VRK2: variants seen among roughly 807,000 people sequenced by gnomAD.
The protein encoded by VRK2 is serine/threonine-protein kinase VRK2.
Under a neutral mutation model 57.6 loss-of-function variants are expected in VRK2, and 60 were observed. The observed-to-expected ratio is 1.04, with a 90% CI of 0.85 to 1.29. The LOEUF is 1.29. VRK2 is among the 50% of genes most tolerant of loss of function. The probability of loss-of-function intolerance (pLI) is 0.00; values close to 1 mark genes in which losing one functional copy is unlikely to be tolerated. For missense variants in VRK2, 705 were observed against 588.1 expected, an observed-to-expected ratio of 1.20 and a Z score of -2.06; for synonymous variants, 231 against 199.2, an observed-to-expected ratio of 1.16 and a Z score of -1.35.
chr2:58,141,098 C>T (rs1256543512), intron 11 of VRK2, among the ~76,000 whole-genome samples: 1 of 151,980 alleles, frequency 6.6e-6, no homozygotes, highest in Non-Finnish European at 1.5e-5. Flanking sequence ...GGATTTTGAT[C>T]TTGGTAATTA....
At chr2:58,103,472 G>T (rs1292057302) in intron 7 of VRK2, among the ~76,000 whole-genome samples, 1 of 151,478 alleles carries the variant, frequency 6.6e-6, no homozygotes, top group Non-Finnish European at 1.5e-5. Context: ...ACAACTATAT[G>T]CTTATAAACT....
chr2:58,155,765 C>G (rs1024287063), intron 12 of VRK2, among the ~76,000 whole-genome samples: 3 of 148,460 alleles, frequency 2.0e-5, no homozygotes, highest in African/African-American at 5.0e-5. Context: ...CCATCCCCCC[C>G]ACCCCGCCGC....
At chr2:58,089,478 T>C (rs1672075243) in intron 6 of VRK2, among the ~76,000 whole-genome samples, 153 bp from the exon 7 acceptor site, 1 of 152,216 alleles carries the variant, frequency 6.6e-6, no homozygotes, top group Admixed American at 6.5e-5. Flanking sequence ...CCAGAAGATG[T>C]GATATTTTAG....
At chr2:57,996,170 T>C (rs1229653059) in intron 1 of VRK2, among the ~76,000 whole-genome samples, 1 of 152,204 alleles carries the variant, frequency 6.6e-6, no homozygotes, top group Non-Finnish European at 1.5e-5. Flanking sequence ...GATTTTCATA[T>C]CCTTGGGGGA....
chr2:57,995,423 A>G (rs1170287957), intron 1 of VRK2, among the ~76,000 whole-genome samples: 2 of 152,220 alleles, frequency 1.3e-5, no homozygotes, highest in East Asian at 3.8e-4. Flanking sequence ...TCGAAAGCTC[A>G]AATTTTATTA....
chr2:58,057,828 A>G (rs974340534), intron 2 of VRK2, among the ~76,000 whole-genome samples: 2 of 152,124 alleles, frequency 1.3e-5, no homozygotes, highest in Admixed American at 6.6e-5. Flanking sequence ...ATAATTAGTC[A>G]TGAGGTTTAA....
intron 1 of VRK2, chr2:58,047,329 C>A: frequency 1.4e-6 from 1 of 722,356 alleles, no homozygotes; most frequent in Non-Finnish European, 1.7e-6. Context: ...CCCTGGGTAC[C>A]AGTTTGCTCG....
chr2:58,131,614 A>G (rs1347756099), intron 8 of VRK2, among the ~76,000 whole-genome samples, 194 bp from the exon 9 acceptor site: 1 of 152,184 alleles, frequency 6.6e-6, no homozygotes, highest in Non-Finnish European at 1.5e-5. Flanking sequence ...TACTTTCAAC[A>G]GCAACCAGTC....
At chr2:58,021,631 T>C (rs571287751) in intron 1 of VRK2, among the ~76,000 whole-genome samples, 77 of 152,330 alleles carry the variant, frequency 5.1e-4, no homozygotes, top group African/African-American at 1.5e-3. Context: ...ATTAATTCTA[T>C]CTTTTCTTTG....
At chr2:57,935,674 T>A (rs1558501751) in intron 1 of VRK2, among the ~76,000 whole-genome samples, 1 of 152,136 alleles carries the variant, frequency 6.6e-6, no homozygotes, top group Non-Finnish European at 1.5e-5. Flanking sequence ...TCTCTCCCAA[T>A]CTTTGAACTG....
At chr2:58,159,313 C>A in intron 12 of VRK2, 36 bp from the exon 13 acceptor site, 1 of 1,493,116 alleles carries the variant, frequency 6.7e-7, no homozygotes, top group South Asian at 1.3e-5. Flanking sequence ...TAACTCACGT[C>A]TAACAAACTA....
Position 58,131,876 on chromosome 2 carries a change from C to G in VRK2, c.745C>G (p.Pro249Ala), listed in dbSNP as rs756184673. The G allele has an allele frequency of 1.2e-6, 2 of 1,613,888 alleles. No homozygotes were observed. The highest frequency in any genetic ancestry group is 1.7e-6 in the Non-Finnish European group (2 of 1,179,998). Reference protein sequence around the residue: ...CMLRWLCGKLPWEQNLKDPVA... With the variant: ...CMLRWLCGKLAWEQNLKDPVA... ...GCTGCGGTGGTTGTGTGGGAAACTT[C>G]CCTGGGAACAGAACCTGAAGGACCC... Residue 249 changes from proline (P) to alanine (A), a missense_variant, in exon 9 of 13, where the codon CCC becomes GCC. Coordinates refer to ENST00000340157, the MANE Select transcript of VRK2 (RefSeq NM_006296.7).
At chr2:57,951,397 GAA>G (rs780970798) in intron 1 of VRK2, among the ~76,000 whole-genome samples, 56 of 152,316 alleles carry the variant, frequency 3.7e-4, no homozygotes, top group Non-Finnish European at 4.4e-4. Flanking sequence ...TACTCCTAGT[GAA>G]GATACTGTGA....
At chr2:58,140,982 G>T (rs1681243223) in intron 11 of VRK2, among the ~76,000 whole-genome samples, 1 of 151,950 alleles carries the variant, frequency 6.6e-6, no homozygotes, top group East Asian at 1.9e-4. Context: ...TTTCTCTCAT[G>T]ATACAATTAG....
At chr2:57,922,333 T>A (rs768878319) in intron 1 of VRK2, among the ~76,000 whole-genome samples, 1 of 151,870 alleles carries the variant, frequency 6.6e-6, no homozygotes, top group Non-Finnish European at 1.5e-5. Flanking sequence ...TTTAGTGGGG[T>A]TTAATTGAGA....
chr2:57,970,549 A>ATAAAT (rs3074042), intron 1 of VRK2, among the ~76,000 whole-genome samples: 19,061 of 151,704 alleles, frequency 0.13, 1,261 homozygotes, highest in East Asian at 0.2. Flanking sequence ...TAAAGAAAAC[A>ATAAAT]TTAATTTTGA....
chr2:57,967,226 G>C (rs144888013), intron 1 of VRK2, among the ~76,000 whole-genome samples: 6 of 152,216 alleles, frequency 3.9e-5, no homozygotes, highest in Non-Finnish European at 4.4e-5. Context: ...GCCTGTCGGC[G>C]GGTGCGGGGC....
chr2:58,099,557 A>G (rs1673662762), intron 7 of VRK2, among the ~76,000 whole-genome samples: 1 of 152,074 alleles, frequency 6.6e-6, no homozygotes, highest in Non-Finnish European at 1.5e-5. Flanking sequence ...CTGTCATCTC[A>G]GTGCCAGGAA....
intron 7 of VRK2, among the ~76,000 whole-genome samples, chr2:58,118,071 G>T (rs1481729950): frequency 1.3e-5 from 2 of 152,156 alleles, no homozygotes; most frequent in Non-Finnish European, 2.9e-5. Flanking sequence ...AAGGGTGAAG[G>T]AGAAGGGGTT....
Sources: gnomAD v4.1 joint callset for allele counts (sites outside exome capture counted in the v4.1 genomes callset) on GRCh38, gnomAD v4.1.1 for gene constraint, MANE v1.5 for transcripts, NCBI Gene and HGNC (gene_info 2026-07-23, HGNC 2026-07-21) for gene names.